MTCL2: variants seen among roughly 807,000 people sequenced by gnomAD.
MTCL2 encodes microtubule crosslinking factor 2, also known as microtubule cross-linking factor 2.
At chr20:36,849,241 T>C in the MTCL2 span, among the ~76,000 whole-genome samples, 1 of 151,706 alleles carries the variant, frequency 6.6e-6, no homozygotes, top group Non-Finnish European at 1.5e-5. Context: ...TTTGTATTTT[T>C]AGTAGAGACG....
At chr20:36,834,024 G>A in the MTCL2 span, among the ~76,000 whole-genome samples, 1 of 151,972 alleles carries the variant, frequency 6.6e-6, no homozygotes, top group South Asian at 2.1e-4. Flanking sequence ...AATTAGCTGG[G>A]TATGGTGGCA....
chr20:36,791,494 G>C, the MTCL2 span, among the ~76,000 whole-genome samples: 1 of 152,188 alleles, frequency 6.6e-6, no homozygotes, highest in Non-Finnish European at 1.5e-5. Context: ...TAGAAAAGTA[G>C]AATGTTTGAG....
At chr20:36,810,198 G>A in the MTCL2 span, 75 of 1,449,198 alleles carry the variant, frequency 5.2e-5, no homozygotes, top group Non-Finnish European at 6.1e-5. Flanking sequence ...AGTGGTAGGG[G>A]AACGATGGGA....
the MTCL2 span, chr20:36,797,490 C>T: frequency 1.5e-5 from 23 of 1,552,696 alleles, no homozygotes; most frequent in East Asian, 2.4e-5. Context: ...TGGCAGCAGC[C>T]GCCCCACTCA....
chr20:36,777,898 GGGA>G, the MTCL2 span: 6 of 607,724 alleles, frequency 9.9e-6, no homozygotes, highest in Non-Finnish European at 1.5e-5. Flanking sequence ...CCCTGGGGTT[GGGA>G]GGAGGAGGAA....
chr20:36,793,159 C>T, the MTCL2 span: 1 of 1,416,238 alleles, frequency 7.1e-7, no homozygotes, highest in Non-Finnish European at 9.3e-7. The surrounding 1 kb of genome is among the most constrained non-coding windows in gnomAD (Gnocchi z 6.8). Flanking sequence ...CCCACCTCGG[C>T]CCATATCTCT....
At chr20:36,846,848 A>C in the MTCL2 span, among the ~76,000 whole-genome samples, 2 of 152,230 alleles carry the variant, frequency 1.3e-5, no homozygotes, top group African/African-American at 4.8e-5. Context: ...CTCTACAAAA[A>C]AATACAAAAA....
chr20:36,804,750 C>T, the MTCL2 span: 1 of 1,613,876 alleles, frequency 6.2e-7, no homozygotes, highest in Middle Eastern at 1.7e-4. Flanking sequence ...AGGTATGGCC[C>T]TTGAGCTCTG....
chr20:36,802,218 G>A, the MTCL2 span, among the ~76,000 whole-genome samples: 1 of 152,148 alleles, frequency 6.6e-6, no homozygotes, highest in South Asian at 2.1e-4. Context: ...CCTGGGAGGC[G>A]GAGGCTGCAG....
At chr20:36,831,933 C>T in the MTCL2 span, among the ~76,000 whole-genome samples, 3 of 152,216 alleles carry the variant, frequency 2.0e-5, no homozygotes, top group Admixed American at 6.5e-5. Context: ...CTCACTCATA[C>T]TCACTCACTA....
the MTCL2 span, among the ~76,000 whole-genome samples, chr20:36,825,593 C>T: frequency 1.3e-5 from 2 of 152,254 alleles, no homozygotes; most frequent in African/African-American, 4.8e-5. Context: ...TAGCGGAGAG[C>T]TGTCTCCATG....
chr20:36,853,074 AG>A, the MTCL2 span, among the ~76,000 whole-genome samples: 1 of 150,360 alleles, frequency 6.7e-6, no homozygotes, highest in African/African-American at 2.4e-5. Context: ...AAAAAAAAAA[AG>A]GTCCCGGGGA....
chr20:36,787,595 A>C, the MTCL2 span, among the ~76,000 whole-genome samples: 1 of 152,100 alleles, frequency 6.6e-6, no homozygotes, highest in Non-Finnish European at 1.5e-5. Flanking sequence ...AATAATGATC[A>C]AAAGTGCTGC....
chr20:36,841,463 CAA>C, the MTCL2 span, among the ~76,000 whole-genome samples: 44,708 of 151,724 alleles, frequency 0.29, 7,433 homozygotes, highest in Middle Eastern at 0.42. Context: ...GCCATCTCTA[CAA>C]AAGAGACATT....
the MTCL2 span, chr20:36,816,133 C>T: frequency 9.3e-6 from 15 of 1,613,576 alleles, 1 homozygote; most frequent in Middle Eastern, 1.6e-4. Context: ...TGGGGGGCAT[C>T]GGCCAGCTCC....
the MTCL2 span, chr20:36,786,242 T>C: frequency 8.5e-7 from 1 of 1,171,844 alleles, no homozygotes; most frequent in Non-Finnish European, 1.1e-6. Flanking sequence ...GAAGCCCAGG[T>C]TTGGTCTCTC....
At chr20:36,833,419 G>A in the MTCL2 span, among the ~76,000 whole-genome samples, 1 of 152,228 alleles carries the variant, frequency 6.6e-6, no homozygotes, top group African/African-American at 2.4e-5. Context: ...TGAGGTCACT[G>A]TTTACAGCGC....
chr20:36,780,024 A>G, the MTCL2 span: 17 of 152,288 alleles, frequency 1.1e-4, no homozygotes, highest in African/African-American at 3.6e-4. Flanking sequence ...GGGCTAAACC[A>G]AGATTACAGA....
the MTCL2 span, among the ~76,000 whole-genome samples, chr20:36,787,384 TGCCTAGCTAA>T: frequency 3.0e-3 from 463 of 152,094 alleles, 2 homozygotes; most frequent in Non-Finnish European, 5.3e-3. Flanking sequence ...TGTGCCACCA[TGCCTAGCTAA>T]TTTTTGTATT....
Sources: allele counts gnomAD v4.1 joint callset (sites outside exome capture counted in the v4.1 genomes callset), GRCh38; gene constraint gnomAD v4.1.1; non-coding constraint Gnocchi (gnomAD v3.1); transcripts MANE v1.5; gene names NCBI Gene and HGNC (gene_info 2026-07-23, HGNC 2026-07-21).